The following B3GLCT variants were observed in gnomAD, a reference collection of about 807,000 sequenced individuals.
B3GLCT encodes the protein beta-1,3-glucosyltransferase.
Under a neutral mutation model 63.4 loss-of-function variants are expected in B3GLCT, and 65 were observed. The ratio of observed to expected loss-of-function variants is 1.03; its 90% CI spans 0.84 to 1.26. B3GLCT has a LOEUF of 1.26. Ranked by LOEUF, B3GLCT falls within the 50% of genes most tolerant of loss-of-function variation. The pLI, the probability that B3GLCT is intolerant of heterozygous loss-of-function variation, is 0.00. For missense variants in B3GLCT, 577 were observed against 604.8 expected, an observed-to-expected ratio of 0.95 and a Z score of 0.48; for synonymous variants, 233 against 219.2, an observed-to-expected ratio of 1.06 and a Z score of -0.55.
chr13:31,200,977 C>A (rs912407232), intron 1 of B3GLCT, among the ~76,000 whole-genome samples: 1 of 150,466 alleles, frequency 6.6e-6, no homozygotes, highest in Non-Finnish European at 1.5e-5. Flanking sequence ...AAGGGCATTT[C>A]CCCCCTTTAT....
At chr13:31,292,917 A>T (rs1873753259) in intron 12 of B3GLCT, among the ~76,000 whole-genome samples, 1 of 151,964 alleles carries the variant, frequency 6.6e-6, no homozygotes, top group African/African-American at 2.4e-5. Flanking sequence ...TTAATTTTAG[A>T]TCTTTCTCAC....
chr13:31,223,901 C>T (rs1869958833), intron 3 of B3GLCT, among the ~76,000 whole-genome samples: 1 of 152,152 alleles, frequency 6.6e-6, no homozygotes, highest in Non-Finnish European at 1.5e-5. Context: ...ATGGATAAGC[C>T]TGGGTTCCAG....
chr13:31,283,702 G>A (rs1566080305), intron 10 of B3GLCT, among the ~76,000 whole-genome samples: 3 of 151,840 alleles, frequency 2.0e-5, no homozygotes, highest in Non-Finnish European at 4.4e-5. Flanking sequence ...TTACTTATTA[G>A]CTAAACACTT....
chr13:31,236,771 G>A lies in B3GLCT; in HGVS notation c.270+7477G>A, dbSNP rs1378903961. ...ATTCTGGATCATTTTTTCTTTTACA[G>A]AGTTTTTTATGCCACATGTATGATT... On this transcript the variant is annotated intron_variant, in intron 4 of 14. Coordinates refer to ENST00000343307, the MANE Select transcript of B3GLCT (RefSeq NM_194318.4). Among the ~76,000 whole-genome samples the A allele has an allele frequency of 3.3e-5, 5 of 152,128 alleles. No individual in the cohort carries two copies. The East Asian group carries it at 9.6e-4, about 29-fold the overall frequency.
At chr13:31,206,702 A>G (rs1288716956) in intron 1 of B3GLCT, among the ~76,000 whole-genome samples, 2 of 149,664 alleles carry the variant, frequency 1.3e-5, no homozygotes, top group African/African-American at 5.0e-5. Context: ...ATGCCATTGC[A>G]CTCCAGCCCG....
At chr13:31,244,729 G>C (rs1871114951) in intron 4 of B3GLCT, among the ~76,000 whole-genome samples, 1 of 151,996 alleles carries the variant, frequency 6.6e-6, no homozygotes, top group African/African-American at 2.4e-5. Flanking sequence ...GGGTCTCTGT[G>C]TGCATTCATA....
chr13:31,317,903 G>A (rs1248640676), intron 13 of B3GLCT, among the ~76,000 whole-genome samples: 3 of 151,666 alleles, frequency 2.0e-5, no homozygotes, highest in Non-Finnish European at 4.4e-5. Flanking sequence ...AAAAAAGTAT[G>A]TCATACTTGC....
intron 7 of B3GLCT, among the ~76,000 whole-genome samples, chr13:31,267,353 A>T (rs1469960935): frequency 6.6e-6 from 1 of 152,214 alleles, no homozygotes; most frequent in Non-Finnish European, 1.5e-5. Context: ...GAATGAAATG[A>T]ATACTTACTC....
In B3GLCT at chr13:31,323,775, C is replaced by T. The variant is rs1378541907; in HGVS notation, c.1209C>T (p.Val403=). ...GGGMVFSREA[V]RRLLASKCRC... ...GAATGGTCTTCAGCAGAGAAGCCGT[C>T]AGGAGACTTCTCGCCAGTAAATGTC... The change falls in exon 14 of 15, where the codon GTC becomes GTT. Residue 403 remains valine, a synonymous_variant. Coordinates refer to ENST00000343307, the MANE Select transcript of B3GLCT (RefSeq NM_194318.4). The T allele has an allele frequency of 1.2e-6, 2 of 1,614,178 alleles. No homozygotes were observed. The highest frequency in any genetic ancestry group is 1.1e-5 in the South Asian group (1 of 91,084).
At chr13:31,200,196 G>C in intron 1 of B3GLCT, 42 bp downstream of exon 1, 1 of 1,204,132 alleles carries the variant, frequency 8.3e-7, no homozygotes, top group Non-Finnish European at 1.0e-6. Context: ...GAGGCGTGGG[G>C]TTCGCGGGCA....
intron 13 of B3GLCT, among the ~76,000 whole-genome samples, chr13:31,320,508 G>A (rs1272824448): frequency 2.0e-5 from 3 of 152,120 alleles, no homozygotes; most frequent in African/African-American, 2.4e-5. Context: ...TCTAGGCTTC[G>A]TGTCATTCAC....
chr13:31,298,855 G>C (rs1874087659), intron 12 of B3GLCT, among the ~76,000 whole-genome samples: 1 of 152,210 alleles, frequency 6.6e-6, no homozygotes, highest in African/African-American at 2.4e-5. Flanking sequence ...CGGGGTGAAG[G>C]AGCAACACAG....
intron 4 of B3GLCT, among the ~76,000 whole-genome samples, chr13:31,237,361 T>TC (rs1474319404): frequency 4.0e-5 from 6 of 150,062 alleles, no homozygotes; most frequent in Non-Finnish European, 8.9e-5. Context: ...CTGTTTTTTT[T>TC]TTTTTTTTTT....
intron 12 of B3GLCT, among the ~76,000 whole-genome samples, chr13:31,290,028 T>C (rs1212975361): frequency 6.6e-6 from 1 of 152,114 alleles, no homozygotes; most frequent in African/African-American, 2.4e-5. Context: ...CCACCCCACC[T>C]TCCAACAGGC....
In B3GLCT at chr13:31,217,101, A is replaced by G. The variant is rs571009400; in HGVS notation, c.120+2001A>G. Among the ~76,000 whole-genome samples, 5 of 152,312 alleles carry G rather than the reference A, an allele frequency of 3.3e-5. No homozygotes were observed. The South Asian group carries it at 6.2e-4, about 19-fold the overall frequency. On this transcript the variant is annotated intron_variant, in intron 2 of 14. Coordinates refer to ENST00000343307, the MANE Select transcript of B3GLCT (RefSeq NM_194318.4). Reference sequence around the variant, plus strand: ...CCCTTTTCTCTGCAACCTTGCCAGCATCTGTTATTTTTTGACTTTTTAATA... The same window carrying G: ...CCCTTTTCTCTGCAACCTTGCCAGCGTCTGTTATTTTTTGACTTTTTAATA...
At chr13:31,262,651 G>A (rs938688558) in intron 7 of B3GLCT, among the ~76,000 whole-genome samples, 2 of 152,192 alleles carry the variant, frequency 1.3e-5, no homozygotes, top group Non-Finnish European at 2.9e-5. Context: ...TTCATTTCCT[G>A]CAGTGTCCAG....
At chr13:31,248,061 C>A (rs1415361281) in intron 6 of B3GLCT, 95 bp downstream of exon 6, 3 of 715,040 alleles carry the variant, frequency 4.2e-6, no homozygotes, top group Non-Finnish European at 7.4e-6. Flanking sequence ...TAATAAAAAA[C>A]CACTTAGTTT....
chr13:31,323,600 G>A (rs1875439873), intron 13 of B3GLCT, 151 bp from the exon 14 acceptor site: 1 of 836,626 alleles, frequency 1.2e-6, no homozygotes, highest in South Asian at 1.4e-5. Flanking sequence ...AAAGAGAACA[G>A]GTAGGGTTTT....
At chr13:31,207,903 C>CAA (rs1385726905) in intron 1 of B3GLCT, among the ~76,000 whole-genome samples, 12 of 152,178 alleles carry the variant, frequency 7.9e-5, no homozygotes, top group Admixed American at 7.9e-4. Flanking sequence ...GGCACTTGAG[C>CAA]AAAAGGCTCA....
Sources: gnomAD v4.1 joint callset for allele counts (sites outside exome capture counted in the v4.1 genomes callset) on GRCh38, gnomAD v4.1.1 for gene constraint, MANE v1.5 for transcripts, NCBI Gene and HGNC (gene_info 2026-07-23, HGNC 2026-07-21) for gene names.